Variants in VKORC1L1 observed in about 807,000 individuals in gnomAD.
VKORC1L1 encodes vitamin K epoxide reductase complex subunit 1L1, also known as vitamin K epoxide reductase complex subunit 1-like protein 1.
In VKORC1L1, 2 loss-of-function variants were observed where a neutral mutation model predicts 18.9. That is an observed-to-expected ratio of 0.11 (90% CI 0.04 to 0.33). The LOEUF is 0.33. Among genes scored for constraint, VKORC1L1 ranks in the 10% least tolerant of loss-of-function variants. The probability of loss-of-function intolerance (pLI) is 1.00; values close to 1 mark genes in which losing one functional copy is unlikely to be tolerated. For synonymous variants in VKORC1L1, 96 were observed against 100.0 expected, an observed-to-expected ratio of 0.96 and a Z score of 0.24; for missense variants, 123 against 224.1, an observed-to-expected ratio of 0.55 and a Z score of 2.88.
At chr7:65,867,747 C>T in the VKORC1L1 span, among the ~76,000 whole-genome samples, 3 of 152,150 alleles carry the variant, frequency 2.0e-5, no homozygotes, top group East Asian at 3.9e-4. Flanking sequence ...TTATGAGCTA[C>T]CTTGAATCAC....
intron 1 of VKORC1L1, among the ~76,000 whole-genome samples, chr7:65,922,302 G>A (rs1375130229): frequency 6.7e-6 from 1 of 148,988 alleles, no homozygotes; most frequent in East Asian, 2.0e-4. Flanking sequence ...TTGAGACAGA[G>A]TCTTGCTCTG....
chr7:65,941,780 G>T (rs565827937), intron 1 of VKORC1L1, among the ~76,000 whole-genome samples: 1 of 143,816 alleles, frequency 7.0e-6, no homozygotes, highest in Non-Finnish European at 1.5e-5. Context: ...GGGTTCAAGC[G>T]ATTATCTGCC....
At position 65,879,643 on chromosome 7, in the gene VKORC1L1, A is replaced by G. The variant is rs552872293; in HGVS notation, c.194+6078A>G. Among the ~76,000 whole-genome samples, 129 of 85,804 alleles carry G rather than the reference A, an allele frequency of 1.5e-3. No homozygotes were observed. The South Asian group carries it at 0.023, about 15-fold the overall frequency. The allele number at this position is 85,804 out of a possible 152,430, so 56.3% of individuals were successfully genotyped here. A position where few individuals can be genotyped will look rare whatever the true frequency, so the allele number is the denominator to read the frequency against. The stretch of plus-strand genomic sequence containing the variant: ...TCAAGAGTCCAAGCTCTTTACCACT[A>G]CTCTTTCGTCTTCCTTTCTTCCTTT... On this transcript the variant is annotated intron_variant, in intron 1 of 2. Transcript: ENST00000360768.
upstream of VKORC1L1, among the ~76,000 whole-genome samples, chr7:65,872,931 C>G (rs1788745183): frequency 6.6e-6 from 1 of 151,732 alleles, no homozygotes; most frequent in Non-Finnish European, 1.5e-5. Context: ...CCCTCCCGCA[C>G]TGGCCCGCTC....
intron 1 of VKORC1L1, among the ~76,000 whole-genome samples, chr7:65,932,966 T>C (rs1477478174): frequency 6.6e-6 from 1 of 151,348 alleles, no homozygotes; most frequent in Admixed American, 6.6e-5. Flanking sequence ...TAATCCCAGC[T>C]ACTCGGGAGG....
In VKORC1L1 at chr7:65,954,855, G is replaced by A. The variant is rs910377487; in HGVS notation, c.*555G>A. On this transcript the variant is annotated 3_prime_UTR_variant, in exon 3 of 3. Transcript: ENST00000360768. ...ACTTACTGTACAGTTTAGTTGGAGTGTAGCACTGAAGAACTGTCAGCTCAG... is the reference window on the plus strand; with the variant it reads ...ACTTACTGTACAGTTTAGTTGGAGTATAGCACTGAAGAACTGTCAGCTCAG... The A allele has an allele frequency of 6.4e-6, 1 of 155,878 alleles. No individual in the cohort carries two copies. The highest frequency in any genetic ancestry group is 2.4e-5 in the African/African-American group (1 of 41,460). 9.7% of individuals were successfully genotyped at this position (155,878 alleles called of 1,614,324 possible).
At chr7:65,902,127 T>A (rs1199961878) in intron 1 of VKORC1L1, among the ~76,000 whole-genome samples, 1 of 152,028 alleles carries the variant, frequency 6.6e-6, no homozygotes, top group Non-Finnish European at 1.5e-5. Flanking sequence ...TGGCATTCAG[T>A]AAAATGACCA....
intron 1 of VKORC1L1, among the ~76,000 whole-genome samples, chr7:65,883,136 CTTTTTTTTTTTTT>C (rs34906605): frequency 9.1e-6 from 1 of 109,622 alleles, no homozygotes; most frequent in Non-Finnish European, 1.8e-5. Flanking sequence ...TACATTTGAG[CTTTTTTTTTTTTT>C]TTTTTTTTTG....
At chr7:65,900,789 A>T (rs906136126) in intron 1 of VKORC1L1, among the ~76,000 whole-genome samples, 4 of 152,194 alleles carry the variant, frequency 2.6e-5, no homozygotes, top group African/African-American at 9.7e-5. Context: ...TGGGTGACAG[A>T]GCAAGACTCT....
intron 1 of VKORC1L1, among the ~76,000 whole-genome samples, chr7:65,920,035 G>A (rs1344730389): frequency 3.3e-5 from 5 of 151,940 alleles, no homozygotes; most frequent in African/African-American, 9.7e-5. Context: ...TGTGGCTCCT[G>A]TTACTCTTCC....
chr7:65,924,530 C>T (rs933059076), intron 1 of VKORC1L1, among the ~76,000 whole-genome samples: 1 of 152,130 alleles, frequency 6.6e-6, no homozygotes, highest in Non-Finnish European at 1.5e-5. Flanking sequence ...TGAAAGCAGC[C>T]AGAGTAATAC....
At chr7:65,938,730 C>T (rs891338791) in intron 1 of VKORC1L1, among the ~76,000 whole-genome samples, 5 of 152,192 alleles carry the variant, frequency 3.3e-5, no homozygotes, top group African/African-American at 1.2e-4. Flanking sequence ...TCAAGCCTCT[C>T]TTCCCACTGT....
rs1300721488 is a variant in VKORC1L1 at position 65,897,634 on chromosome 7, T to G, written c.194+24069T>G. On this transcript the variant is annotated intron_variant, in intron 1 of 2. Coordinates refer to ENST00000360768, the MANE Select transcript of VKORC1L1 (RefSeq NM_173517.6). ...AAAATTGTGGTGTTAGAAGTCAGGG[T>G]AGTATTACTCTTGCGGAGCTCACTG... Among the ~76,000 whole-genome samples, 85 of 151,520 alleles carry G rather than the reference T, an allele frequency of 5.6e-4. No homozygotes were observed. In the East Asian group the frequency reaches 7.6e-3, roughly 13 times the overall value.
chr7:65,925,770 G>A (rs534858925), intron 1 of VKORC1L1, among the ~76,000 whole-genome samples: 1 of 152,022 alleles, frequency 6.6e-6, no homozygotes, highest in Non-Finnish European at 1.5e-5. Flanking sequence ...TTTAATGCAC[G>A]TGCTTATTTC....
chr7:65,951,879 G>T lies in VKORC1L1; in HGVS notation c.305-2195G>T, dbSNP rs1028363123. Among the ~76,000 whole-genome samples, 10 of 152,192 alleles carry T rather than the reference G, an allele frequency of 6.6e-5. No individual in the cohort carries two copies. The South Asian group carries it at 1.4e-3, about 22-fold the overall frequency. On this transcript the variant is annotated intron_variant, in intron 2 of 2. Transcript: ENST00000360768. The stretch of plus-strand genomic sequence containing the variant: ...AATGTCTTCATTCTTTTCTACAGCT[G>T]CAGAATAATCCATTGCATAATTGTA...
rs758145309 is a variant in VKORC1L1 at position 65,873,460 on chromosome 7, C to G, written c.89C>G (p.Ser30Cys). 2 of 1,596,900 alleles carry G rather than the reference C, an allele frequency of 1.3e-6. No individual in the cohort carries two copies. The highest frequency in any genetic ancestry group is 1.7e-5 in the Admixed American group (1 of 59,194). ...YAVCAAGILLSIYAYHVEREK... is the reference protein window; with the variant it reads ...YAVCAAGILLCIYAYHVEREK... ...GTGTGCGCTGCCGGAATCCTGCTCTCCATCTACGCCTACCACGTGGAGCGG... is the reference window on the plus strand; with the variant it reads ...GTGTGCGCTGCCGGAATCCTGCTCTGCATCTACGCCTACCACGTGGAGCGG... Residue 30 changes from serine to cysteine, a missense_variant, in exon 1 of 3, where the codon TCC becomes TGC. Around this residue, in one of 4 missense-constraint regions of VKORC1L1, gnomAD observed 60 missense variants for 76.9 expected, o/e 0.78. Transcript: ENST00000360768.
chr7:65,872,325 T>C (rs1363096051), upstream of VKORC1L1, among the ~76,000 whole-genome samples: 5 of 150,438 alleles, frequency 3.3e-5, no homozygotes, highest in East Asian at 1.9e-4. Context: ...AAATCTCTCT[T>C]TTTTTTTTTG....
intron 1 of VKORC1L1, among the ~76,000 whole-genome samples, chr7:65,880,375 G>GT (rs1788907657): frequency 6.6e-6 from 1 of 152,188 alleles, no homozygotes; most frequent in South Asian, 2.1e-4. Context: ...TTCCTGGAGT[G>GT]TTTGCCTTCT....
chr7:65,885,373 A>G (rs1488586356), intron 1 of VKORC1L1, among the ~76,000 whole-genome samples: 2 of 152,048 alleles, frequency 1.3e-5, no homozygotes, highest in East Asian at 1.9e-4. Flanking sequence ...ATGTCTTTAC[A>G]TAGAAGTGTT....
Sources: allele counts gnomAD v4.1 joint callset (sites outside exome capture counted in the v4.1 genomes callset), GRCh38; gene constraint gnomAD v4.1.1; regional missense constraint gnomAD v4.1.1; transcripts MANE v1.5; gene names NCBI Gene and HGNC (gene_info 2026-07-23, HGNC 2026-07-21).